FAT3: variants seen among roughly 807,000 people sequenced by gnomAD.
The protein encoded by FAT3 is FAT atypical cadherin 3, also known as protocadherin Fat 3.
Under a neutral mutation model 310.2 loss-of-function variants are expected in FAT3, and 95 were observed. The ratio of observed to expected loss-of-function variants is 0.31; its 90% confidence interval spans 0.26 to 0.36. The LOEUF (loss-of-function observed/expected upper bound fraction) is 0.36, where lower values mean the gene tolerates loss of function less well. Ranked by LOEUF, FAT3 falls within the 10% of genes least tolerant of loss-of-function variation. FAT3 has a pLI of 1.00. For synonymous variants in FAT3, 2,314 were observed against 2,192.9 expected, an observed-to-expected ratio of 1.06 and a Z score of -1.54; for missense variants, 5,408 against 5,715.6, an observed-to-expected ratio of 0.95 and a Z score of 1.74.
chr11:92,467,807 C>T (rs981997483), intron 2 of FAT3, among the ~76,000 whole-genome samples: 9 of 152,122 alleles, frequency 5.9e-5, no homozygotes, highest in Admixed American at 1.3e-4. Flanking sequence ...ATTGTTTCTC[C>T]AATCCTAGGA....
intron 13 of FAT3, among the ~76,000 whole-genome samples, chr11:92,821,691 T>C (rs924614067): frequency 3.3e-5 from 5 of 152,220 alleles, no homozygotes; most frequent in Non-Finnish European, 7.3e-5. Flanking sequence ...TACCAGGGAA[T>C]GAACAGATCT....
At chr11:92,482,822 C>A (rs1397785288) in intron 2 of FAT3, among the ~76,000 whole-genome samples, 1 of 152,152 alleles carries the variant, frequency 6.6e-6, no homozygotes, top group Non-Finnish European at 1.5e-5. Context: ...GCAAACAGTG[C>A]AGCATCCCTA....
At chr11:92,680,195 A>G (rs1303671272) in intron 3 of FAT3, among the ~76,000 whole-genome samples, 1 of 151,506 alleles carries the variant, frequency 6.6e-6, no homozygotes, top group Non-Finnish European at 1.5e-5. Flanking sequence ...ACCAATACCC[A>G]GAAGAGTTTT....
At position 92,786,556 on chromosome 11, in the gene FAT3, G is replaced by A. The variant is rs558995393; in HGVS notation, c.4336-3387G>A. ...TAAATGAAAACTATACCGAAATGCCGTTTCTCATCTATCAGATTGGCAAAA... is the reference window on the plus strand; with the variant it reads ...TAAATGAAAACTATACCGAAATGCCATTTCTCATCTATCAGATTGGCAAAA... On this transcript the variant is annotated intron_variant, in intron 7 of 27. Transcript: ENST00000525166. Among the ~76,000 whole-genome samples the A allele has an allele frequency of 1.8e-4, 28 of 151,994 alleles. No individual in the cohort carries two copies. The South Asian group carries it at 3.7e-3, about 20-fold the overall frequency.
chr11:92,649,363 T>C (rs941658870), intron 3 of FAT3, among the ~76,000 whole-genome samples: 5 of 152,218 alleles, frequency 3.3e-5, no homozygotes, highest in African/African-American at 1.2e-4. Context: ...GCTTGTACTT[T>C]ATCTGCAACT....
chr11:92,393,724 T>C (rs1358908389), intron 2 of FAT3, among the ~76,000 whole-genome samples: 2 of 152,312 alleles, frequency 1.3e-5, no homozygotes, highest in Non-Finnish European at 2.9e-5. Flanking sequence ...GCAGTATTTT[T>C]CCAAGACCTA....
intron 13 of FAT3, among the ~76,000 whole-genome samples, chr11:92,815,384 T>C (rs753856066): frequency 2.6e-5 from 4 of 151,906 alleles, no homozygotes; most frequent in Non-Finnish European, 5.9e-5. Flanking sequence ...CCATCCTGGC[T>C]AACACAGTGA....
At chr11:92,743,416 G>A (rs1945563357) in intron 4 of FAT3, among the ~76,000 whole-genome samples, 1 of 152,204 alleles carries the variant, frequency 6.6e-6, no homozygotes, top group Non-Finnish European at 1.5e-5. Context: ...GTTGAAGAGA[G>A]ATGCAATGGT....
intron 9 of FAT3, among the ~76,000 whole-genome samples, chr11:92,794,995 C>A (rs185490280): frequency 6.6e-6 from 1 of 152,312 alleles, no homozygotes; most frequent in East Asian, 1.9e-4. Flanking sequence ...TCACACACAT[C>A]AGATAAGCAA....
intron 21 of FAT3, among the ~76,000 whole-genome samples, chr11:92,863,158 G>A (rs898178819): frequency 1.3e-5 from 2 of 151,976 alleles, no homozygotes; most frequent in African/African-American, 4.8e-5. Context: ...ATGTTCCCCA[G>A]GCTGGTCTCA....
chr11:92,863,616 C>T (rs940477130), intron 21 of FAT3, among the ~76,000 whole-genome samples: 2 of 152,150 alleles, frequency 1.3e-5, no homozygotes, highest in East Asian at 1.9e-4. Context: ...ATTTCAGTAT[C>T]GTTGCTATAG....
At chr11:92,690,779 T>G (rs1435445674) in intron 3 of FAT3, among the ~76,000 whole-genome samples, 1 of 152,190 alleles carries the variant, frequency 6.6e-6, no homozygotes, top group African/African-American at 2.4e-5. Context: ...TGTCCATATG[T>G]AAATACTGCA....
At chr11:92,561,067 AG>A (rs1427331027) in intron 3 of FAT3, among the ~76,000 whole-genome samples, 1 of 152,220 alleles carries the variant, frequency 6.6e-6, no homozygotes, top group Non-Finnish European at 1.5e-5. Context: ...AAGGCTGGGT[AG>A]GCAGCACTTA....
rs747656125 is a variant in FAT3 at position 92,595,298 on chromosome 11, C to A, written c.3607+70350C>A. ...TCCCCATCAAGGCTTCTCAGAGAGT[C>A]CTCCCCTCCCCAGCCTGTGTGTCCT... On this transcript the variant is annotated intron_variant, in intron 3 of 27. Coordinates refer to ENST00000525166, the MANE Select transcript of FAT3 (RefSeq NM_001367949.2). Among the ~76,000 whole-genome samples, 22 of 152,156 alleles carry A rather than the reference C, an allele frequency of 1.4e-4. 1 individual carries two copies. Among genetic ancestry groups the A allele is most frequent in the Middle Eastern group, 3.4e-3 (1 of 294 alleles).
intron 3 of FAT3, among the ~76,000 whole-genome samples, chr11:92,555,275 A>G (rs1020612409): frequency 6.6e-6 from 1 of 152,248 alleles, no homozygotes; most frequent in African/African-American, 2.4e-5. Flanking sequence ...TGCAGCATTA[A>G]CGATTTCAAT....
chr11:92,501,467 C>G (rs1316003936), intron 2 of FAT3, among the ~76,000 whole-genome samples: 1 of 152,032 alleles, frequency 6.6e-6, no homozygotes, highest in African/African-American at 2.4e-5. Flanking sequence ...CCCTAATAGG[C>G]TGTCTATTAA....
In FAT3 at chr11:92,354,507, C is replaced by T; in HGVS notation, c.2395C>T (p.Leu799Phe). 6.2e-7 allele frequency: 1 copy of T among 1,613,866 alleles called. No individual in the cohort carries two copies. The highest frequency in any genetic ancestry group is 8.5e-7 in the Non-Finnish European group (1 of 1,179,872). Residue 799 changes from leucine (L) to phenylalanine (F), a missense_variant, in exon 2 of 28, where the codon CTT becomes TTT. Leu to Phe is a conservative substitution (Grantham distance 22, BLOSUM62 0). Transcript: ENST00000525166. The part of the protein sequence containing the change: ...MDREHTDLYL[L>F]NITIYDLGNP... ...TCGAGAACACACAGACCTCTATCTCCTTAATATCACCATCTATGACTTAGG... is the reference window on the plus strand; with the variant it reads ...TCGAGAACACACAGACCTCTATCTCTTTAATATCACCATCTATGACTTAGG...
At chr11:92,573,995 C>T (rs1199590144) in intron 3 of FAT3, among the ~76,000 whole-genome samples, 2 of 150,572 alleles carry the variant, frequency 1.3e-5, no homozygotes, top group Non-Finnish European at 3.0e-5. Flanking sequence ...TTGTAACTGG[C>T]GTGTTCCTCT....
intron 3 of FAT3, among the ~76,000 whole-genome samples, chr11:92,567,977 C>T (rs1364613986): frequency 6.6e-6 from 1 of 151,906 alleles, no homozygotes; most frequent in Admixed American, 6.6e-5. Flanking sequence ...ACCCGCATGG[C>T]ACATGTGTAC....
Sources: gnomAD v4.1 joint callset for allele counts (sites outside exome capture counted in the v4.1 genomes callset) on GRCh38, gnomAD v4.1.1 for gene constraint, MANE v1.5 for transcripts, NCBI Gene and HGNC (gene_info 2026-07-23, HGNC 2026-07-21) for gene names.